Variants in STX2 observed in about 807,000 individuals in gnomAD.
STX2 encodes the protein syntaxin 2, also known as syntaxin-2.
In STX2, 27 loss-of-function variants were observed where a neutral mutation model predicts 40.6. The ratio of observed to expected loss-of-function variants is 0.66; its 90% CI spans 0.49 to 0.92. The LOEUF (loss-of-function observed/expected upper bound fraction) is 0.92, where lower values mean the gene tolerates loss of function less well. STX2 is among the 40% of genes least tolerant of loss of function. The pLI is 0.00. For missense variants in STX2, 328 were observed against 366.1 expected (o/e 0.90, Z 0.85); for synonymous variants, 123 against 119.1 (o/e 1.03, Z -0.22).
chr12:130,826,008 G>A (rs550127814), intron 2 of STX2, among the ~76,000 whole-genome samples: 45 of 152,336 alleles, frequency 3.0e-4, no homozygotes, highest in African/African-American at 1.0e-3. Context: ...GCTGAGCTGG[G>A]GAGATAAGCA....
chr12:130,829,373 C>A (rs1225165281), intron 1 of STX2, among the ~76,000 whole-genome samples: 1 of 151,978 alleles, frequency 6.6e-6, no homozygotes, highest in African/African-American at 2.4e-5. Context: ...AGTGAGGAGG[C>A]TGAAACACAG....
intron 3 of STX2, among the ~76,000 whole-genome samples, chr12:130,821,417 G>A (rs1952108535): frequency 1.3e-5 from 2 of 152,152 alleles, no homozygotes; most frequent in African/African-American, 4.8e-5. Flanking sequence ...CCTAAGTTCT[G>A]TGAAGCCACT....
intron 3 of STX2, among the ~76,000 whole-genome samples, chr12:130,817,009 C>T (rs1951883037): frequency 6.6e-6 from 1 of 152,080 alleles, no homozygotes; most frequent in African/African-American, 2.4e-5. Context: ...AATAAATCAT[C>T]TCTTTAAAAA....
intron 2 of STX2, among the ~76,000 whole-genome samples, chr12:130,824,235 C>T (rs1157033693): frequency 1.3e-5 from 2 of 151,848 alleles, no homozygotes; most frequent in Non-Finnish European, 2.9e-5. Flanking sequence ...ACTAAAAATA[C>T]AAAATTAGCC....
At chr12:130,800,834 T>C (rs1951197385) in intron 8 of STX2, among the ~76,000 whole-genome samples, 1 of 152,216 alleles carries the variant, frequency 6.6e-6, no homozygotes. Context: ...CTCCCTTTTC[T>C]CTTAATTCTA....
chr12:130,806,321 AG>A (rs1048987418), intron 6 of STX2, among the ~76,000 whole-genome samples: 4 of 152,184 alleles, frequency 2.6e-5, no homozygotes, highest in African/African-American at 9.7e-5. Context: ...TCAGGGACAA[AG>A]GGATTTCCTA....
intron 6 of STX2, among the ~76,000 whole-genome samples, chr12:130,803,690 CA>C (rs1248119618): frequency 2.1e-4 from 2 of 9,434 alleles, no homozygotes; most frequent in Non-Finnish European, 5.3e-4. Context: ...AAAAAAAAAA[CA>C]AACTAAAAGT....
rs1249087447 is a variant in STX2, at chr12:130,801,153, C to T, written c.675G>A (p.Gln225=). 5.6e-6 allele frequency: 9 copies of T among 1,610,248 alleles called. No individual in the cohort carries two copies. In the South Asian group the frequency reaches 9.9e-5, roughly 18 times the overall value. The change falls in exon 8 of 11, where the codon CAG becomes CAA. Residue 225 remains glutamine, a splice_region_variant and synonymous_variant. Transcript: ENST00000392373. ...FMDMAMFVET[Q]GEMINNIERN... ...GGAGAATGCAAGAGTCTGTAACTAC[C>T]TGAGTCTCCACAAACATAGCCATGT...
intron 1 of STX2, among the ~76,000 whole-genome samples, chr12:130,827,538 TCTCA>T (rs1323863327): frequency 1.1e-4 from 17 of 152,216 alleles, no homozygotes; most frequent in Admixed American, 5.2e-4. Flanking sequence ...ATCATTTAGT[TCTCA>T]CTATGTAAGT....
At position 130,826,559 on chromosome 12, in the gene STX2, G is replaced by A. The variant is rs933641050; in HGVS notation, c.105+634C>T. ...GTTCCCTCCCGGACTGCATTAGAAC[G>A]ATGATTTGCATTTTTCTCATTATTA... On this transcript the variant is annotated intron_variant, in intron 2 of 10. Transcript: ENST00000392373. 2.6e-5 allele frequency among the ~76,000 whole-genome samples: 4 copies of A among 152,146 alleles called. No individual in the cohort carries two copies. In the South Asian group the frequency reaches 6.2e-4, roughly 24 times the overall value.
intron 3 of STX2, among the ~76,000 whole-genome samples, chr12:130,815,023 T>C (rs968602153): frequency 6.6e-6 from 1 of 152,158 alleles, no homozygotes; most frequent in African/African-American, 2.4e-5. Context: ...CACTTAAGCC[T>C]AGGACTTTAA....
At chr12:130,814,638 T>C (rs1007095498) in intron 3 of STX2, among the ~76,000 whole-genome samples, 48 of 142,946 alleles carry the variant, frequency 3.4e-4, no homozygotes, top group African/African-American at 1.2e-3. Context: ...TTTTTTTTTT[T>C]TTTTTTTTTT....
Position 130,790,435 on chromosome 12 carries a change from A to G in STX2, c.*1588T>C, listed in dbSNP as rs1950849205. On this transcript the variant is annotated 3_prime_UTR_variant, in exon 11 of 11. Transcript: ENST00000392373. ...ACGACATTTGGGGCATCCTGCATGC[A>G]CTCCTTTAACATTCTGACTAGTGAC... 1.3e-5 allele frequency: 2 copies of G among 152,102 alleles called. No homozygotes were observed. Among genetic ancestry groups the G allele is most frequent in the African/African-American group, 4.8e-5 (2 of 41,414 alleles). The allele number at this position is 152,102 out of a possible 1,614,324, so 9.4% of individuals were successfully genotyped here.
rs140741561 is a variant in STX2 at position 130,807,577 on chromosome 12, C to T, written c.355-487G>A. Among the ~76,000 whole-genome samples, 684 of 152,196 alleles carry T rather than the reference C, an allele frequency of 4.5e-3. 8 individuals are homozygous for T. Among genetic ancestry groups the T allele is most frequent in the African/African-American group, 0.016 (651 of 41,508 alleles). On this transcript the variant is annotated intron_variant, in intron 5 of 10. Transcript: ENST00000392373. Reference sequence around the variant, plus strand: ...ATGAGGGGACCCAGGCAGGCGGACCCCAGAGCCCGCGTGCTTCATCGCCTC... The same window carrying T: ...ATGAGGGGACCCAGGCAGGCGGACCTCAGAGCCCGCGTGCTTCATCGCCTC...
At chr12:130,817,441 C>T (rs1040616891) in intron 3 of STX2, among the ~76,000 whole-genome samples, 1 of 151,846 alleles carries the variant, frequency 6.6e-6, no homozygotes, top group Non-Finnish European at 1.5e-5. Context: ...AAATAGAGAA[C>T]AAAAGAGGAG....
intron 2 of STX2, among the ~76,000 whole-genome samples, chr12:130,824,431 T>C (rs1952224882): frequency 6.6e-6 from 1 of 152,142 alleles, no homozygotes; most frequent in Non-Finnish European, 1.5e-5. Flanking sequence ...ACACATATGT[T>C]AGAAAGTAAA....
Position 130,797,392 on chromosome 12 carries a change from T to C in STX2, c.786+1133A>G, listed in dbSNP as rs78738840. Among the ~76,000 whole-genome samples, 685 of 152,268 alleles carry C rather than the reference T, an allele frequency of 4.5e-3. 9 individuals are homozygous for C. Among genetic ancestry groups the C allele is most frequent in the African/African-American group, 0.016 (657 of 41,546 alleles). ...AATTTTTTCAAAGCAATAAATGAAA[T>C]AACATGAGAAACCATGTCTGGCATT... On this transcript the variant is annotated intron_variant, in intron 9 of 10. Transcript: ENST00000392373.
At position 130,801,414 on chromosome 12, in the gene STX2, C is replaced by A. The variant is rs1260404064; in HGVS notation, c.537+1G>T. 4 of 1,608,710 alleles carry A rather than the reference C, an allele frequency of 2.5e-6. No individual in the cohort carries two copies. The highest frequency in any genetic ancestry group is 3.4e-6 in the Non-Finnish European group (4 of 1,177,120). ...AGCCACAGGGCCGCACCCCCACTCA[C>A]GTCGGAAGTGAAGATGGATGGCTTC... On this transcript the variant is annotated splice_donor_variant, in intron 7 of 10. Transcript: ENST00000392373. LOFTEE classifies it high-confidence loss of function.
chr12:130,806,973 A>G lies in STX2; in HGVS notation c.463+9T>C, dbSNP rs539432365. On this transcript the variant is annotated intron_variant, in intron 6 of 10. Coordinates refer to ENST00000392373, the MANE Select transcript of STX2 (RefSeq NM_194356.4). The stretch of plus-strand genomic sequence containing the variant: ...TGATTTTAACAAAGACGGAGTCTCC[A>G]TTACTCACTTATCTCCAGCTGGCGC... 3.7e-6 allele frequency: 6 copies of G among 1,612,412 alleles called. No individual in the cohort carries two copies. In the African/African-American group the frequency reaches 6.7e-5, roughly 18 times the overall value.
Sources: gnomAD v4.1 joint callset for allele counts (sites outside exome capture counted in the v4.1 genomes callset) on GRCh38, gnomAD v4.1.1 for gene constraint, MANE v1.5 for transcripts, NCBI Gene and HGNC (gene_info 2026-07-23, HGNC 2026-07-21) for gene names.